SPAG17: variants seen among roughly 807,000 people sequenced by gnomAD.
SPAG17 encodes the protein sperm-associated antigen 17.
Under a neutral mutation model 273.6 loss-of-function variants are expected in SPAG17, and 169 were observed. The ratio of observed to expected loss-of-function variants is 0.62; its 90% CI spans 0.55 to 0.70. The LOEUF is 0.70. SPAG17 is among the 30% of genes least tolerant of loss of function. SPAG17 has a pLI of 0.00. For synonymous variants in SPAG17, 825 were observed against 873.2 expected (o/e 0.94, Z 0.97); for missense variants, 2,557 against 2,627.8 (o/e 0.97, Z 0.59).
At chr1:118,006,347 A>C (rs1015715558) in intron 31 of SPAG17, among the ~76,000 whole-genome samples, 1 of 152,052 alleles carries the variant, frequency 6.6e-6, no homozygotes, top group African/African-American at 2.4e-5. Context: ...GGAAGCATGT[A>C]CTCTGTGGCC....
chr1:118,010,077 C>T (rs1659317519), intron 30 of SPAG17, among the ~76,000 whole-genome samples: 1 of 151,846 alleles, frequency 6.6e-6, no homozygotes, highest in Non-Finnish European at 1.5e-5. Context: ...AGTTACCAGC[C>T]ATTGGGGTGA....
At chr1:118,128,063 A>T (rs1558032442) in intron 3 of SPAG17, among the ~76,000 whole-genome samples, 1 of 152,154 alleles carries the variant, frequency 6.6e-6, no homozygotes, top group South Asian at 2.1e-4. Flanking sequence ...CGGATGTTGC[A>T]GTGGGCCAAG....
rs142740219 is a variant in SPAG17 at position 118,041,869 on chromosome 1, T to C, written c.2988A>G (p.Glu996=). 78 of 1,613,788 alleles carry C rather than the reference T, an allele frequency of 4.8e-5. No homozygotes were observed. The African/African-American group carries it at 7.5e-4, about 15-fold the overall frequency. The change falls in exon 21 of 49, where the codon GAA becomes GAG. Residue 996 remains glutamate, a synonymous_variant. Coordinates refer to ENST00000336338, the MANE Select transcript of SPAG17 (RefSeq NM_206996.4). The part of the protein sequence containing the change: ...KSPYKEKSKE[E]QVKIQEVTEE... The stretch of plus-strand genomic sequence containing the variant: ...CTGTTACTTCTTGGATCTTGACTTG[T>C]TCTTCTTTAGATTTCTCCTTGTAAG...
chr1:118,004,268 G>A lies in SPAG17; in HGVS notation c.4776+1146C>T, dbSNP rs566273526. Among the ~76,000 whole-genome samples the A allele has an allele frequency of 7.2e-5, 11 of 152,300 alleles. No individual in the cohort carries two copies. In the East Asian group the frequency reaches 1.5e-3, roughly 21 times the overall value. Reference sequence around the variant, plus strand: ...TGTCTCCCAGTTAGGCTACACGGGGGTCATGGACCCACTTGTGGAGGCAGT... The same window carrying A: ...TGTCTCCCAGTTAGGCTACACGGGGATCATGGACCCACTTGTGGAGGCAGT... On this transcript the variant is annotated intron_variant, in intron 32 of 48. Transcript: ENST00000336338.
At position 118,085,945 on chromosome 1, in the gene SPAG17, T is replaced by C. The variant is rs1654959980; in HGVS notation, c.1739A>G (p.Glu580Gly). The C allele has an allele frequency of 3.7e-6, 6 of 1,609,338 alleles. No individual in the cohort carries two copies. Among genetic ancestry groups the C allele is most frequent in the Non-Finnish European group, 5.1e-6 (6 of 1,178,454 alleles). Residue 580 changes from glutamate to glycine, a missense_variant, in exon 13 of 49, where the codon GAG becomes GGG. Physicochemically the swap from Glu to Gly is moderately conservative, Grantham distance 98. Coordinates refer to ENST00000336338, the MANE Select transcript of SPAG17 (RefSeq NM_206996.4). ...ACCACTCGTACAAAAGTGCATAAGC[T>C]CATGAATTGTAGCTAGACGTTTAGT... is the stretch of plus-strand genomic sequence containing the variant. Reference protein sequence around the residue: ...NNTKRLATIHELMHFCTSDVL... With the variant: ...NNTKRLATIHGLMHFCTSDVL...
intron 34 of SPAG17, 83 bp downstream of exon 34, chr1:117,996,287 T>C (rs1657641148): frequency 2.8e-6 from 4 of 1,435,086 alleles, no homozygotes; most frequent in Admixed American, 4.9e-5. Flanking sequence ...AAAAGTAAGA[T>C]GACATGAAGA....
At chr1:118,032,987 C>G (rs776313024) in intron 24 of SPAG17, among the ~76,000 whole-genome samples, 1 of 152,100 alleles carries the variant, frequency 6.6e-6, no homozygotes, top group Non-Finnish European at 1.5e-5. Context: ...ACAACATGCT[C>G]GGGCCCCACC....
At position 118,008,117 on chromosome 1, in the gene SPAG17, C is replaced by T; in HGVS notation, c.4514G>A (p.Cys1505Tyr). ...GGTGGCACAGCAGCTACTGTCCTCA[C>T]AGTTGGCGATAACAGTGGCATAGCG... ...SSRYATVIAN[C>Y]EDSSCCATFG... The change falls in exon 31 of 49, where the codon TGT becomes TAT. Residue 1505 changes from cysteine to tyrosine, a missense_variant. Coordinates refer to ENST00000336338, the MANE Select transcript of SPAG17 (RefSeq NM_206996.4). 6.2e-7 allele frequency: 1 copy of T among 1,614,086 alleles called. No individual in the cohort carries two copies. The highest frequency in any genetic ancestry group is 8.5e-7 in the Non-Finnish European group (1 of 1,179,980).
intron 13 of SPAG17, among the ~76,000 whole-genome samples, chr1:118,082,663 G>A (rs1015810501): frequency 2.0e-5 from 3 of 152,190 alleles, no homozygotes; most frequent in Non-Finnish European, 4.4e-5. Flanking sequence ...ACAGATAAAT[G>A]TAAGAGATAA....
In SPAG17 at chr1:118,053,476, C is replaced by T. The variant is rs572562123; in HGVS notation, c.2814+526G>A. Among the ~76,000 whole-genome samples the T allele has an allele frequency of 7.2e-5, 11 of 151,802 alleles. No individual in the cohort carries two copies. The South Asian group carries it at 2.3e-3, about 32-fold the overall frequency. ...ATTGAATTCAAGGAATAAATGGGTGCCTAATATGTGATCTAATCAACACCC... is the reference window on the plus strand; with the variant it reads ...ATTGAATTCAAGGAATAAATGGGTGTCTAATATGTGATCTAATCAACACCC... On this transcript the variant is annotated intron_variant, in intron 20 of 48. Transcript: ENST00000336338.
chr1:118,093,016 T>C, intron 8 of SPAG17, 140 bp downstream of exon 8: 1 of 859,064 alleles, frequency 1.2e-6, no homozygotes. Context: ...CCCCATCATG[T>C]AGCTATCTTT....
At chr1:118,058,448 C>T (rs993810394) in intron 18 of SPAG17, among the ~76,000 whole-genome samples, 2 of 152,210 alleles carry the variant, frequency 1.3e-5, no homozygotes, top group East Asian at 1.9e-4. Context: ...CTCAAGCGAG[C>T]CTCCTGCCTT....
intron 1 of SPAG17, among the ~76,000 whole-genome samples, chr1:118,169,818 A>G (rs1010431861): frequency 6.6e-6 from 1 of 152,180 alleles, no homozygotes; most frequent in African/African-American, 2.4e-5. Flanking sequence ...AACTCTAGGA[A>G]CTTCCATTAC....
At chr1:118,030,647 T>A (rs1648346460) in intron 25 of SPAG17, among the ~76,000 whole-genome samples, 1 of 152,124 alleles carries the variant, frequency 6.6e-6, no homozygotes, top group East Asian at 1.9e-4. Flanking sequence ...TGCGTCCATG[T>A]GTTCTCATTG....
intron 37 of SPAG17, among the ~76,000 whole-genome samples, chr1:117,991,206 G>T (rs760634132): frequency 2.0e-5 from 3 of 151,902 alleles, no homozygotes; most frequent in Non-Finnish European, 2.9e-5. Context: ...TTCATTTAAG[G>T]GCCTTGTGAA....
At chr1:117,991,176 C>A (rs1233140416) in intron 37 of SPAG17, among the ~76,000 whole-genome samples, 1 of 151,998 alleles carries the variant, frequency 6.6e-6, no homozygotes. Flanking sequence ...ATATCAATTT[C>A]TTTTGAAGAC....
At chr1:118,046,220 C>T (rs1345629311) in intron 20 of SPAG17, among the ~76,000 whole-genome samples, 1 of 152,144 alleles carries the variant, frequency 6.6e-6, no homozygotes, top group East Asian at 1.9e-4. Flanking sequence ...TGCTATAGTC[C>T]TAGCTACTTG....
At chr1:118,048,693 C>T (rs1244948710) in intron 20 of SPAG17, among the ~76,000 whole-genome samples, 2 of 152,018 alleles carry the variant, frequency 1.3e-5, no homozygotes, top group Admixed American at 1.3e-4. Flanking sequence ...GTCAGGAGTT[C>T]GAGACCAGCC....
At chr1:118,087,774 C>T (rs1055840207) in intron 10 of SPAG17, among the ~76,000 whole-genome samples, 1 of 152,196 alleles carries the variant, frequency 6.6e-6, no homozygotes, top group Non-Finnish European at 1.5e-5. Context: ...TAATCATCCT[C>T]TATGATTTCC....
Sources: allele counts gnomAD v4.1 joint callset (sites outside exome capture counted in the v4.1 genomes callset), GRCh38; gene constraint gnomAD v4.1.1; transcripts MANE v1.5; gene names NCBI Gene and HGNC (gene_info 2026-07-23, HGNC 2026-07-21).